Variants in GFRA1 observed in about 807,000 individuals in gnomAD.
GFRA1 encodes the protein GDNF family receptor alpha-1.
In GFRA1, 16 loss-of-function variants were observed where a neutral mutation model predicts 51.6. The ratio of observed to expected loss-of-function variants is 0.31; its 90% CI spans 0.21 to 0.47. The LOEUF (loss-of-function observed/expected upper bound fraction) is 0.47. Ranked by LOEUF, GFRA1 falls within the 20% of genes least tolerant of loss-of-function variation. The pLI is 1.00. For synonymous variants in GFRA1, 270 were observed against 241.3 expected, an observed-to-expected ratio of 1.12 and a Z score of -1.10; for missense variants, 530 against 594.3, an observed-to-expected ratio of 0.89 and a Z score of 1.13.
intron 4 of GFRA1, among the ~76,000 whole-genome samples, chr10:116,243,526 A>G (rs1967579042): frequency 6.6e-6 from 1 of 151,074 alleles, no homozygotes; most frequent in African/African-American, 2.4e-5. Context: ...AAAAAGAGAG[A>G]ATAGTAAATG....
intron 4 of GFRA1, among the ~76,000 whole-genome samples, chr10:116,246,163 G>A (rs1565677148): frequency 6.6e-6 from 1 of 152,106 alleles, no homozygotes; most frequent in Non-Finnish European, 1.5e-5. Flanking sequence ...GGAGGAACTG[G>A]GCATGTTGGT....
intron 4 of GFRA1, among the ~76,000 whole-genome samples, chr10:116,253,188 A>G (rs1968531137): frequency 6.6e-6 from 1 of 152,222 alleles, no homozygotes; most frequent in South Asian, 2.1e-4. Flanking sequence ...AGGAAATACC[A>G]CAGCAAGAGA....
At chr10:116,209,211 C>T (rs1965009604) in intron 5 of GFRA1, among the ~76,000 whole-genome samples, 1 of 152,208 alleles carries the variant, frequency 6.6e-6, no homozygotes, top group South Asian at 2.1e-4. Flanking sequence ...GAGAAAAACC[C>T]AGCAATAACT....
intron 9 of GFRA1, among the ~76,000 whole-genome samples, chr10:116,076,931 A>G (rs1189112499): frequency 6.6e-6 from 1 of 152,224 alleles, no homozygotes; most frequent in Non-Finnish European, 1.5e-5. Flanking sequence ...CCCAGATGCT[A>G]TAATATATGA....
At chr10:116,092,951 T>G (rs1396641223) in intron 8 of GFRA1, among the ~76,000 whole-genome samples, 2 of 152,168 alleles carry the variant, frequency 1.3e-5, no homozygotes, top group African/African-American at 4.8e-5. Context: ...GCACCGTGCT[T>G]TTGGAGTCTG....
intron 9 of GFRA1, among the ~76,000 whole-genome samples, chr10:116,071,868 A>T (rs975623998): frequency 2.0e-5 from 3 of 151,540 alleles, no homozygotes; most frequent in Non-Finnish European, 2.9e-5. Context: ...TTTTTTTTTT[A>T]AAGAGTCTAT....
At chr10:116,071,884 G>A (rs1955411558) in intron 9 of GFRA1, among the ~76,000 whole-genome samples, 1 of 151,958 alleles carries the variant, frequency 6.6e-6, no homozygotes. Context: ...TCTATTGATT[G>A]GAGTTCCCTG....
intron 7 of GFRA1, among the ~76,000 whole-genome samples, chr10:116,096,378 A>C (rs1461230037): frequency 6.6e-6 from 1 of 151,918 alleles, no homozygotes. Flanking sequence ...CAGTTTCCCA[A>C]CTGAGACGCC....
chr10:116,105,672 A>G (rs1216761003), intron 6 of GFRA1, among the ~76,000 whole-genome samples: 1 of 152,206 alleles, frequency 6.6e-6, no homozygotes, highest in Non-Finnish European at 1.5e-5. Context: ...GCTAGTACAA[A>G]ATGTACACAT....
rs1967466927 is a variant in GFRA1, at chr10:116,242,404, CA to C, written c.418+27098del. The stretch of plus-strand genomic sequence containing the variant: ...TAAGCAGGTAACGATAATTTGTTCC[CA>C]AAAAGCTAAACAATATACACTAAAT... On this transcript the variant is annotated intron_variant, in intron 4 of 10. Transcript: ENST00000355422. Among the ~76,000 whole-genome samples, 7 of 152,138 alleles carry C rather than the reference CA, an allele frequency of 4.6e-5. No homozygotes were observed. The South Asian group carries it at 1.5e-3, about 32-fold the overall frequency.
intron 5 of GFRA1, among the ~76,000 whole-genome samples, chr10:116,136,854 G>A (rs982653187): frequency 6.6e-6 from 1 of 152,154 alleles, no homozygotes; most frequent in African/African-American, 2.4e-5. Flanking sequence ...AATAAAGGAG[G>A]CCATGATGTT....
Position 116,209,166 on chromosome 10 carries a change from GCA to G in GFRA1, c.433+2463_433+2464del, listed in dbSNP as rs1965006269. On this transcript the variant is annotated intron_variant, in intron 5 of 10. Transcript: ENST00000355422. Reference sequence around the variant, plus strand: ...AAAATGACATGAGAGCAGGGTAGACGCACACTCTCACGTGCACATGCCACAGA... The same window carrying G: ...AAAATGACATGAGAGCAGGGTAGACGCACTCTCACGTGCACATGCCACAGA... 2.0e-5 allele frequency among the ~76,000 whole-genome samples: 3 copies of G among 152,282 alleles called. No homozygotes were observed. The South Asian group carries it at 6.2e-4, about 32-fold the overall frequency.
intron 5 of GFRA1, among the ~76,000 whole-genome samples, chr10:116,197,651 T>G (rs1375604443): frequency 6.6e-6 from 1 of 152,190 alleles, no homozygotes; most frequent in Non-Finnish European, 1.5e-5. Context: ...GGTCACGTTC[T>G]GAGGTTCCAG....
chr10:116,193,786 G>A (rs1056561556), intron 5 of GFRA1, among the ~76,000 whole-genome samples: 2 of 151,744 alleles, frequency 1.3e-5, no homozygotes, highest in Non-Finnish European at 2.9e-5. Context: ...GGCCGGGCGC[G>A]GTGGCTCATG....
intron 5 of GFRA1, among the ~76,000 whole-genome samples, chr10:116,192,877 A>G (rs1963398355): frequency 6.6e-6 from 1 of 151,948 alleles, no homozygotes; most frequent in Admixed American, 6.6e-5. Flanking sequence ...GTCCCGGGGG[A>G]GTGTTGGAAA....
chr10:116,195,628 G>A lies in GFRA1; in HGVS notation c.433+16003C>T, dbSNP rs2577375. Among the ~76,000 whole-genome samples, 852 of 152,302 alleles carry A rather than the reference G, an allele frequency of 5.6e-3. 12 individuals carry two copies. The highest frequency in any genetic ancestry group is 0.019 in the African/African-American group (797 of 41,552). On this transcript the variant is annotated intron_variant, in intron 5 of 10. Coordinates refer to ENST00000355422, the MANE Select transcript of GFRA1 (RefSeq NM_005264.8). ...TTGCCGGTCACTCACCTCCTGCTGC[G>A]CAGCCTGGTTTCTAACAGGCCATGG...
chr10:116,105,375 A>T (rs1956968399), intron 6 of GFRA1, among the ~76,000 whole-genome samples: 1 of 152,202 alleles, frequency 6.6e-6, no homozygotes, highest in African/African-American at 2.4e-5. Context: ...CTAGACCAAC[A>T]CAGTGTGAGC....
At chr10:116,212,313 A>G (rs1965252817) in intron 4 of GFRA1, among the ~76,000 whole-genome samples, 3 of 152,114 alleles carry the variant, frequency 2.0e-5, no homozygotes, top group Non-Finnish European at 4.4e-5. Context: ...TGAGGTCAGG[A>G]GTTCAAGACC....
intron 5 of GFRA1, among the ~76,000 whole-genome samples, chr10:116,151,653 C>T (rs143143931): frequency 9.2e-5 from 14 of 152,048 alleles, no homozygotes; most frequent in Middle Eastern, 3.4e-3. Context: ...TGACATAGAA[C>T]GGGGCACCAG....
Sources: allele counts gnomAD v4.1 joint callset (sites outside exome capture counted in the v4.1 genomes callset), GRCh38; gene constraint gnomAD v4.1.1; transcripts MANE v1.5; gene names NCBI Gene and HGNC (gene_info 2026-07-23, HGNC 2026-07-21).